Variants in SLC4A8 observed in about 807,000 individuals in gnomAD.
The protein encoded by SLC4A8 is solute carrier family 4 member 8, also known as electroneutral sodium bicarbonate exchanger 1.
A neutral mutation model predicts 125.0 loss-of-function variants in SLC4A8; 40 were observed. That is an observed-to-expected ratio of 0.32 (90% CI 0.25 to 0.42). SLC4A8 has a LOEUF of 0.42. SLC4A8 is among the 10% of genes least tolerant of loss of function. SLC4A8 has a pLI of 1.00. For synonymous variants in SLC4A8, 456 were observed against 476.0 expected, an observed-to-expected ratio of 0.96 and a Z score of 0.55; for missense variants, 863 against 1,355.1, an observed-to-expected ratio of 0.64 and a Z score of 5.70.
At chr12:51,446,083 T>C (rs994547612) in intron 2 of SLC4A8, among the ~76,000 whole-genome samples, 1 of 152,214 alleles carries the variant, frequency 6.6e-6, no homozygotes, top group African/African-American at 2.4e-5. Context: ...ATTTTCACGC[T>C]ATATGCTTTT....
At chr12:51,403,146 C>T (rs1948424444) in intron 1 of SLC4A8, 2 of 217,742 alleles carry the variant, frequency 9.2e-6, no homozygotes, top group Admixed American at 7.5e-5. Flanking sequence ...GTGCTCAGAA[C>T]ATAATAAATG....
Position 51,440,716 on chromosome 12 carries a change from TGAA to T in SLC4A8, c.62_64del (p.Glu21del). ...TATTTGTGTTTAAACAGAGACCAGA[TGAA>T]GAAGCTGTGGTGGATCAGGGTGGGA... On this transcript the variant is annotated inframe_deletion, in exon 2 of 25. Coordinates refer to ENST00000453097, the MANE Select transcript of SLC4A8 (RefSeq NM_001039960.3). 1 of 1,610,848 alleles carries T rather than the reference TGAA, an allele frequency of 6.2e-7. No individual in the cohort carries two copies. Among genetic ancestry groups the T allele is most frequent in the Non-Finnish European group, 8.5e-7 (1 of 1,178,928 alleles).
intron 16 of SLC4A8, among the ~76,000 whole-genome samples, chr12:51,482,677 G>A (rs927663931): frequency 2.4e-4 from 37 of 152,310 alleles, no homozygotes; most frequent in African/African-American, 8.9e-4. Flanking sequence ...ACCGTGCCTG[G>A]CCTGGCTAAT....
intron 11 of SLC4A8, 37 bp from the exon 12 acceptor site, chr12:51,469,577 G>A (rs759813638): frequency 5.7e-6 from 9 of 1,589,264 alleles, no homozygotes; most frequent in East Asian, 2.2e-5. Context: ...TAGGGAAGAC[G>A]GACTGTGTTA....
chr12:51,483,290 G>A (rs1018017669), intron 16 of SLC4A8, among the ~76,000 whole-genome samples: 1 of 151,052 alleles, frequency 6.6e-6, no homozygotes, highest in Non-Finnish European at 1.5e-5. Context: ...ATTTGCCTGT[G>A]ATGGAAAGAG....
intron 1 of SLC4A8, among the ~76,000 whole-genome samples, chr12:51,429,842 A>G (rs7296891): frequency 1.4e-4 from 22 of 151,808 alleles, no homozygotes; most frequent in African/African-American, 4.8e-4. Context: ...TGAGCTTTTC[A>G]TAGGGGGTAG....
chr12:51,489,575 C>A (rs2138396837), intron 18 of SLC4A8, 125 bp from the exon 19 acceptor site: 3 of 1,224,262 alleles, frequency 2.5e-6, no homozygotes, highest in East Asian at 4.7e-5. Context: ...CCTCTTGGAT[C>A]CCTGAACCCC....
intron 19 of SLC4A8, among the ~76,000 whole-genome samples, chr12:51,493,189 G>A (rs758752731): frequency 6.6e-6 from 1 of 152,090 alleles, no homozygotes; most frequent in African/African-American, 2.4e-5. Flanking sequence ...TTCAAGTGCA[G>A]TATAATAATG....
rs1220303696 is a variant in SLC4A8, at chr12:51,462,297, C to A, written c.1102-13C>A. On this transcript the variant is annotated splice_polypyrimidine_tract_variant and intron_variant, in intron 9 of 24. Transcript: ENST00000453097. Reference sequence around the variant, plus strand: ...TACTTTTAACTTTCCTGAGGGTTTTCTCTTCTCTGTAGATTTTTCATGACG... The same window carrying A: ...TACTTTTAACTTTCCTGAGGGTTTTATCTTCTCTGTAGATTTTTCATGACG... 6.2e-7 allele frequency: 1 copy of A among 1,613,310 alleles called. No homozygotes were observed. Among genetic ancestry groups the A allele is most frequent in the East Asian group, 2.2e-5 (1 of 44,864 alleles).
At position 51,460,032 on chromosome 12, in the gene SLC4A8, C is replaced by G. The variant is rs578147476; in HGVS notation, c.937C>G (p.Arg313Gly). 9 of 1,613,070 alleles carry G rather than the reference C, an allele frequency of 5.6e-6. No individual in the cohort carries two copies. The highest frequency in any genetic ancestry group is 1.6e-4 in the Middle Eastern group (1 of 6,062). Residue 313 changes from arginine (R) to glycine (G), a missense_variant, in exon 8 of 25, where the codon CGT becomes GGT. Arg to Gly is a moderately radical substitution (Grantham distance 125, BLOSUM62 -2). This residue lies in a region of SLC4A8 where 390 missense variants were observed against 634.4 expected (regional missense o/e 0.61). Coordinates refer to ENST00000453097, the MANE Select transcript of SLC4A8 (RefSeq NM_001039960.3). ...GGTTGGAGAGGTGGATATTTTGGAC[C>G]GTCCCATTGTTGCCTTTGTGAGGCT... ...VLVGEVDILD[R>G]PIVAFVRLSP...
At chr12:51,393,729 G>A (rs777540648) in intron 1 of SLC4A8, among the ~76,000 whole-genome samples, 7 of 152,112 alleles carry the variant, frequency 4.6e-5, no homozygotes, top group African/African-American at 7.2e-5. Flanking sequence ...CATGATGCCC[G>A]ACTCCCCTAA....
intron 10 of SLC4A8, 47 bp downstream of exon 10, chr12:51,462,503 G>A (rs924328654): frequency 2.7e-6 from 4 of 1,482,240 alleles, no homozygotes; most frequent in South Asian, 1.4e-5. Flanking sequence ...CTTACTGACT[G>A]CCCACCATGG....
chr12:51,412,033 G>A (rs1322602186), intron 1 of SLC4A8, among the ~76,000 whole-genome samples: 1 of 152,164 alleles, frequency 6.6e-6, no homozygotes, highest in African/African-American at 2.4e-5. Flanking sequence ...CTATACTCCA[G>A]CCTGAGTGAC....
chr12:51,482,718 T>TA (rs1951062223), intron 16 of SLC4A8, among the ~76,000 whole-genome samples: 2 of 152,182 alleles, frequency 1.3e-5, no homozygotes, highest in African/African-American at 4.8e-5. Context: ...ACTCTACACT[T>TA]ACATGGTTTG....
chr12:51,485,634 A>G (rs1482232358), intron 16 of SLC4A8, among the ~76,000 whole-genome samples, 153 bp from the exon 17 acceptor site: 2 of 152,200 alleles, frequency 1.3e-5, no homozygotes, highest in African/African-American at 4.8e-5. Flanking sequence ...CAGTTGGGCA[A>G]TTAACATATT....
intron 1 of SLC4A8, among the ~76,000 whole-genome samples, chr12:51,402,916 G>A (rs1299483684): frequency 6.6e-6 from 1 of 152,116 alleles, no homozygotes; most frequent in East Asian, 1.9e-4. Context: ...CAGATGCTAT[G>A]GGAGAGGCAT....
intron 6 of SLC4A8, 151 bp downstream of exon 6, chr12:51,457,690 G>A: frequency 1.4e-6 from 1 of 692,844 alleles, no homozygotes; most frequent in Non-Finnish European, 2.4e-6. Context: ...TGGTAAGATT[G>A]GTGGCTGGGA....
At chr12:51,424,037 C>CAAAAAAAAAAAAAAAAA (rs35611847), upstream of SLC4A8, among the ~76,000 whole-genome samples, 2 of 38,206 alleles carry the variant, frequency 5.2e-5, no homozygotes, top group African/African-American at 2.1e-4. Flanking sequence ...ACTTCGTCTC[C>CAAAAAAAAAAAAAAAAA]AAAAAAAAAA....
exon 1 of SLC4A8, chr12:51,391,484 A>T (rs1948103703): frequency 6.4e-6 from 1 of 156,092 alleles, no homozygotes; most frequent in Non-Finnish European, 1.4e-5. Context: ...CTGGCGGAGG[A>T]GGAGGTGAGA....
Sources: gnomAD v4.1 joint callset for allele counts (sites outside exome capture counted in the v4.1 genomes callset) on GRCh38, gnomAD v4.1.1 for gene constraint, gnomAD v4.1.1 regional missense constraint, MANE v1.5 for transcripts, NCBI Gene and HGNC (gene_info 2026-07-23, HGNC 2026-07-21) for gene names.